The following TENM1 variants were observed in gnomAD, a reference collection of about 807,000 sequenced individuals.
The protein encoded by TENM1 is teneurin-1.
In TENM1, 35 loss-of-function variants were observed where a neutral mutation model predicts 174.8. That is an observed-to-expected ratio of 0.20 (90% CI 0.15 to 0.27). The LOEUF is 0.27. Ranked by LOEUF, TENM1 falls within the 10% of genes least tolerant of loss-of-function variation. The pLI, the probability that TENM1 is intolerant of heterozygous loss-of-function variation, is 1.00. For synonymous variants in TENM1, 781 were observed against 798.7 expected (o/e 0.98, Z 0.37); for missense variants, 1,633 against 2,130.1 (o/e 0.77, Z 4.59).
At chrX:125,053,175 T>C in the TENM1 span, among the ~76,000 whole-genome samples, 410 of 112,134 alleles carry the variant, frequency 3.7e-3, 3 homozygotes, top group African/African-American at 0.012. Context: ...AATTTAATTG[T>C]AGTTAAACAA....
intron 8 of TENM1, among the ~76,000 whole-genome samples, chrX:124,648,519 A>C (rs1232947310): frequency 8.9e-6 from 1 of 112,560 alleles, no homozygotes; most frequent in Non-Finnish European, 1.9e-5. Flanking sequence ...GCATTCAGCA[A>C]AGAGCCAACT....
chrX:124,764,536 T>C (rs1002128465), intron 3 of TENM1, among the ~76,000 whole-genome samples: 3 of 111,156 alleles, frequency 2.7e-5, no homozygotes, highest in Non-Finnish European at 3.8e-5. Context: ...AGGGAGTTTC[T>C]TATTTTATCA....
intron 4 of TENM1, among the ~76,000 whole-genome samples, chrX:124,722,324 C>A (rs2053329436): frequency 9.0e-6 from 1 of 111,663 alleles, no homozygotes; most frequent in East Asian, 2.8e-4. Context: ...TCTTCAGTAA[C>A]AAGGGACCGC....
intron 18 of TENM1, among the ~76,000 whole-genome samples, chrX:124,506,820 C>A (rs1398164150): frequency 8.9e-6 from 1 of 111,946 alleles, no homozygotes; most frequent in Non-Finnish European, 1.9e-5. Flanking sequence ...AGCAACTAAT[C>A]CTAGACTTTG....
At chrX:124,576,989 A>G (rs543882717) in intron 11 of TENM1, among the ~76,000 whole-genome samples, 4 of 112,149 alleles carry the variant, frequency 3.6e-5, no homozygotes, top group Middle Eastern at 4.6e-3. Context: ...CCCCAAGCAA[A>G]TCTGATAGCA....
At chrX:125,153,457 T>C in the TENM1 span, among the ~76,000 whole-genome samples, 1 of 112,356 alleles carries the variant, frequency 8.9e-6, no homozygotes, top group South Asian at 3.6e-4. Flanking sequence ...CTTTTCCTTT[T>C]CTTGATGGGT....
At chrX:124,754,625 A>G (rs2054177982) in intron 3 of TENM1, among the ~76,000 whole-genome samples, 1 of 110,074 alleles carries the variant, frequency 9.1e-6, no homozygotes, top group African/African-American at 3.3e-5. Flanking sequence ...GTGGGCATTT[A>G]GTGCTATAAA....
chrX:125,104,713 C>T, the TENM1 span, among the ~76,000 whole-genome samples: 1 of 109,715 alleles, frequency 9.1e-6, no homozygotes, highest in Non-Finnish European at 1.9e-5. Flanking sequence ...TTACTTAATC[C>T]AGAGCTACAC....
At chrX:125,171,158 C>T in the TENM1 span, among the ~76,000 whole-genome samples, 2 of 110,127 alleles carry the variant, frequency 1.8e-5, no homozygotes, top group African/African-American at 6.6e-5. Context: ...AATCTTTACA[C>T]ACACCACTTT....
At chrX:124,570,888 C>G (rs2049040132) in intron 11 of TENM1, among the ~76,000 whole-genome samples, 1 of 111,257 alleles carries the variant, frequency 9.0e-6, no homozygotes, top group Admixed American at 9.5e-5. Flanking sequence ...CATTTCTACA[C>G]AATATAATTC....
intron 14 of TENM1, among the ~76,000 whole-genome samples, chrX:124,549,908 G>GTT (rs202238542): frequency 2.0e-5 from 2 of 101,314 alleles, no homozygotes; most frequent in Non-Finnish European, 2.0e-5. Context: ...GCTATTAACA[G>GTT]TTTTTTTTTT....
At chrX:124,831,102 A>G (rs1041015952) in intron 3 of TENM1, among the ~76,000 whole-genome samples, 12 of 111,242 alleles carry the variant, frequency 1.1e-4, no homozygotes, top group African/African-American at 3.9e-4. Context: ...CACTCTCACG[A>G]CTTTATTTTC....
chrX:125,168,631 TA>T, the TENM1 span, among the ~76,000 whole-genome samples: 1 of 111,107 alleles, frequency 9.0e-6, no homozygotes, highest in Non-Finnish European at 1.9e-5. Context: ...GAGAGTCCTT[TA>T]AAAGGGGGTT....
At chrX:125,175,947 C>T in the TENM1 span, among the ~76,000 whole-genome samples, 1 of 111,558 alleles carries the variant, frequency 9.0e-6, no homozygotes, top group African/African-American at 3.3e-5. Flanking sequence ...ATAGCGCTAA[C>T]GACATTACTT....
In TENM1 at chrX:124,565,467, C is replaced by T. The variant is rs759054727; in HGVS notation, c.2171G>A (p.Arg724His). 1.9e-5 allele frequency: 23 copies of T among 1,207,584 alleles called. No individual in the cohort carries two copies. In the East Asian group the frequency reaches 3.9e-4, roughly 20 times the overall value. Residue 724 changes from arginine (R) to histidine (H), a missense_variant, in exon 12 of 32, where the codon CGC becomes CAC. Physicochemically the swap from Arg to His is conservative, Grantham distance 29 (BLOSUM62 0). Coordinates refer to ENST00000422452, the Ensembl canonical transcript of TENM1. ...CTCAGTACAATGAGAATGACAGGAG[C>T]GTTCCTCACATGTTGGTCCTACCCA...
At chrX:125,057,623 T>A in the TENM1 span, among the ~76,000 whole-genome samples, 1 of 111,575 alleles carries the variant, frequency 9.0e-6, no homozygotes, top group Non-Finnish European at 1.9e-5. Context: ...TTATGTGTTA[T>A]ATGAAAGGAG....
At chrX:125,193,448 C>T in the TENM1 span, among the ~76,000 whole-genome samples, 12 of 111,115 alleles carry the variant, frequency 1.1e-4, no homozygotes, top group South Asian at 3.8e-4. Context: ...CTCAAACTCA[C>T]GGGACCAAAG....
chrX:125,195,242 A>AGTGTG, the TENM1 span, among the ~76,000 whole-genome samples: 1 of 112,035 alleles, frequency 8.9e-6, no homozygotes, highest in Non-Finnish European at 1.9e-5. Flanking sequence ...CCATTGTCAC[A>AGTGTG]GATCATCAGT....
chrX:124,757,903 A>T (rs2054307071), intron 3 of TENM1, among the ~76,000 whole-genome samples: 1 of 112,534 alleles, frequency 8.9e-6, no homozygotes, highest in Admixed American at 9.4e-5. Context: ...TAAGACAAAC[A>T]AACAAAAGCA....
Sources: allele counts gnomAD v4.1 joint callset (sites outside exome capture counted in the v4.1 genomes callset), GRCh38; gene constraint gnomAD v4.1.1; transcripts MANE v1.5; gene names NCBI Gene and HGNC (gene_info 2026-07-23, HGNC 2026-07-21).